STARD13: variants seen among roughly 807,000 people sequenced by gnomAD.
STARD13 encodes stAR-related lipid transfer protein 13.
A neutral mutation model predicts 106.4 loss-of-function variants in STARD13; 62 were observed. That is an observed-to-expected ratio of 0.58 (90% CI 0.48 to 0.72). STARD13 has a LOEUF of 0.72. STARD13 is among the 30% of genes least tolerant of loss of function. The probability of loss-of-function intolerance (pLI) is 0.00; values close to 1 mark genes in which losing one functional copy is unlikely to be tolerated. For missense variants in STARD13, 1,387 were observed against 1,424.0 expected (o/e 0.97, Z 0.42); for synonymous variants, 565 against 553.0 (o/e 1.02, Z -0.31).
chr13:33,476,783 C>G, the STARD13 span, among the ~76,000 whole-genome samples: 1 of 152,118 alleles, frequency 6.6e-6, no homozygotes, highest in Non-Finnish European at 1.5e-5. Flanking sequence ...GTATTTTGAG[C>G]CTTTTAACAT....
the STARD13 span, among the ~76,000 whole-genome samples, chr13:33,634,436 C>A: frequency 6.6e-6 from 1 of 152,162 alleles, no homozygotes; most frequent in African/African-American, 2.4e-5. Flanking sequence ...CGTTTCTAAA[C>A]CCATAGCCCC....
At chr13:33,610,348 A>C in the STARD13 span, among the ~76,000 whole-genome samples, 1 of 152,254 alleles carries the variant, frequency 6.6e-6, no homozygotes, top group Non-Finnish European at 1.5e-5. Flanking sequence ...AGTAATACTA[A>C]CATCTAAACA....
chr13:33,352,339 G>A (rs555705063), upstream of STARD13, among the ~76,000 whole-genome samples: 1 of 152,310 alleles, frequency 6.6e-6, no homozygotes, highest in South Asian at 2.1e-4. Context: ...TACATTCCCA[G>A]GAAAGCTGTA....
intron 3 of STARD13, among the ~76,000 whole-genome samples, chr13:33,159,466 C>T (rs1882370233): frequency 6.6e-6 from 1 of 152,150 alleles, no homozygotes; most frequent in Non-Finnish European, 1.5e-5. Context: ...AAAGCTTGGC[C>T]CGCTAAGCCA....
chr13:33,165,610 G>T (rs537101017), intron 2 of STARD13, among the ~76,000 whole-genome samples, 192 bp from the exon 3 acceptor site: 1 of 152,150 alleles, frequency 6.6e-6, no homozygotes, highest in African/African-American at 2.4e-5. Flanking sequence ...ATATAAGTGC[G>T]AAATATGAGG....
intron 1 of STARD13, among the ~76,000 whole-genome samples, chr13:33,271,218 C>T (rs960623038): frequency 1.3e-5 from 2 of 152,204 alleles, no homozygotes; most frequent in African/African-American, 4.8e-5. Context: ...AGAAAAAAAT[C>T]TCCACCCAAG....
the STARD13 span, among the ~76,000 whole-genome samples, chr13:33,583,348 G>T: frequency 6.6e-6 from 1 of 152,268 alleles, no homozygotes; most frequent in East Asian, 1.9e-4. Flanking sequence ...TGCCAAGCAA[G>T]GATGATTATC....
upstream of STARD13, among the ~76,000 whole-genome samples, chr13:33,288,089 G>A (rs1309350374): frequency 2.0e-5 from 3 of 151,780 alleles, no homozygotes; most frequent in African/African-American, 4.8e-5. Context: ...GTCAAGGCGA[G>A]GTTACTAGAT....
chr13:33,666,857 G>A, the STARD13 span, among the ~76,000 whole-genome samples: 19,671 of 152,172 alleles, frequency 0.13, 3,671 homozygotes, highest in African/African-American at 0.41. Context: ...TTCCCAAAGT[G>A]CTGGGATTAC....
At chr13:33,644,639 G>A in the STARD13 span, among the ~76,000 whole-genome samples, 1,510 of 152,204 alleles carry the variant, frequency 9.9e-3, 21 homozygotes, top group African/African-American at 0.032. Flanking sequence ...TCCTAGAGCT[G>A]ACAGATTTCT....
the STARD13 span, among the ~76,000 whole-genome samples, chr13:33,607,007 A>G: frequency 2.6e-5 from 4 of 152,090 alleles, no homozygotes; most frequent in Non-Finnish European, 5.9e-5. Flanking sequence ...TAGCAGCCTT[A>G]ATTCATCTGC....
At chr13:33,291,475 T>C (rs1175466918) in intron 1 of STARD13, among the ~76,000 whole-genome samples, 1 of 152,208 alleles carries the variant, frequency 6.6e-6, no homozygotes, top group Non-Finnish European at 1.5e-5. Context: ...CAGTAGTACA[T>C]GGTACACTGT....
chr13:33,394,298 T>C, the STARD13 span, among the ~76,000 whole-genome samples: 1 of 152,160 alleles, frequency 6.6e-6, no homozygotes, highest in African/African-American at 2.4e-5. Flanking sequence ...CTGTTCAGTG[T>C]GGTAACCACT....
At chr13:33,547,748 A>G in the STARD13 span, among the ~76,000 whole-genome samples, 13 of 152,302 alleles carry the variant, frequency 8.5e-5, no homozygotes, top group East Asian at 1.2e-3. Flanking sequence ...TTCTTCTTCA[A>G]TTTTCCAGGG....
Position 33,126,186 on chromosome 13 carries a change from A to G in STARD13, c.1977T>C (p.Ala659=), listed in dbSNP as rs1322262702. ...RMKVPDYKDK[A]VFGVPLIVHV... The stretch of plus-strand genomic sequence containing the variant: ...GGACTATGAGAGGAACGCCAAAGAC[A>G]GCCTTGTCTTTGTAGTCGGGAACTT... Residue 659 remains alanine, a synonymous_variant, in exon 7 of 14, where the codon GCT becomes GCC. Transcript: ENST00000336934. 1 of 1,614,226 alleles carries G rather than the reference A, an allele frequency of 6.2e-7. No individual in the cohort carries two copies. Among genetic ancestry groups the G allele is most frequent in the Admixed American group, 1.7e-5 (1 of 60,034 alleles).
At chr13:33,633,888 C>G in the STARD13 span, among the ~76,000 whole-genome samples, 1 of 152,158 alleles carries the variant, frequency 6.6e-6, no homozygotes, top group Non-Finnish European at 1.5e-5. Context: ...TGACCACCCT[C>G]TTGGGGCTCC....
chr13:33,622,144 GA>G, the STARD13 span, among the ~76,000 whole-genome samples: 3 of 151,934 alleles, frequency 2.0e-5, no homozygotes, highest in Non-Finnish European at 4.4e-5. Flanking sequence ...AAAACAAAAA[GA>G]AAAAAATCAA....
intron 1 of STARD13, chr13:33,277,853 T>C (rs1369680497): frequency 2.0e-5 from 3 of 152,168 alleles, no homozygotes; most frequent in African/African-American, 7.2e-5. Flanking sequence ...CTACCCAAGA[T>C]AGAATCTTTG....
the STARD13 span, among the ~76,000 whole-genome samples, chr13:33,570,641 C>T: frequency 1.7e-5 from 2 of 120,982 alleles, no homozygotes; most frequent in African/African-American, 5.9e-5. Flanking sequence ...CTTGGTAATG[C>T]AAATCTTTCT....
Sources: gnomAD v4.1 joint callset for allele counts (sites outside exome capture counted in the v4.1 genomes callset) on GRCh38, gnomAD v4.1.1 for gene constraint, MANE v1.5 for transcripts, NCBI Gene and HGNC (gene_info 2026-07-23, HGNC 2026-07-21) for gene names.